The following GGCX variants were observed in gnomAD, a reference collection of about 807,000 sequenced individuals.
GGCX encodes the protein gamma-glutamyl carboxylase.
A neutral mutation model predicts 88.5 loss-of-function variants in GGCX; 63 were observed. That is an observed-to-expected ratio of 0.71 (90% confidence interval 0.58 to 0.88). The LOEUF (loss-of-function observed/expected upper bound fraction) is 0.88, where lower values mean the gene tolerates loss of function less well. GGCX is among the 40% of genes least tolerant of loss of function. The pLI, the probability that GGCX is intolerant of heterozygous loss-of-function variation, is 0.00. For missense variants in GGCX, 805 were observed against 932.9 expected (o/e 0.86, Z 1.79); for synonymous variants, 368 against 365.8 (o/e 1.01, Z -0.07).
chr2:85,558,407 C>A, intron 4 of GGCX, 33 bp downstream of exon 4: 3 of 1,596,572 alleles, frequency 1.9e-6, no homozygotes, highest in Non-Finnish European at 2.6e-6. Context: ...CTGACCCAGC[C>A]AACCCCTCCC....
intron 9 of GGCX, 33 bp from the exon 10 acceptor site, chr2:85,552,600 T>A: frequency 6.2e-7 from 1 of 1,602,620 alleles, no homozygotes; most frequent in South Asian, 1.1e-5. Context: ...TCCCACCTCA[T>A]CATTATCAAC....
chr2:85,546,826 A>C lies in GGCX; in HGVS notation c.*3108T>G, dbSNP rs1691689830. The stretch of plus-strand genomic sequence containing the variant: ...GCATGTAATTGAAATGTTCCAGAAC[A>C]AGTCTGGCAGTTTCATAAGGGAGTT... On this transcript the variant is annotated 3_prime_UTR_variant, in exon 15 of 15. Transcript: ENST00000233838. 1 of 152,254 alleles carries C rather than the reference A, an allele frequency of 6.6e-6. No individual in the cohort carries two copies. The highest frequency in any genetic ancestry group is 2.4e-5 in the African/African-American group (1 of 41,470). 9.4% of individuals were successfully genotyped at this position (152,254 alleles called of 1,614,324 possible).
At position 85,550,981 on chromosome 2, in the gene GGCX, A is replaced by G. The variant is rs773490791; in HGVS notation, c.1832T>C (p.Leu611Pro). ...TTGCAGATATGCCAGGTCTTGCTCC[A>G]GTGCAAGCTCTGTAGTGTTGACATA... ...YVYVNTTELA[L>P]EQDLAYLQEL... Residue 611 changes from leucine to proline, a missense_variant, in exon 13 of 15, where the codon CTG (leucine) becomes CCG (proline). By Grantham distance (98) the Leu-to-Pro change is moderately conservative. Coordinates refer to ENST00000233838, the MANE Select transcript of GGCX (RefSeq NM_000821.7). 6.2e-7 allele frequency: 1 copy of G among 1,613,836 alleles called. No individual in the cohort carries two copies. Among genetic ancestry groups the G allele is most frequent in the South Asian group, 1.1e-5 (1 of 91,084 alleles).
rs1399626876 is a variant in GGCX at position 85,549,932 on chromosome 2, C to G, written c.*2G>C. ...ACATCTGCACCCAACATCTGGCCCCCTTCAGAACTCTGAGTGGACAGGATC... is the reference window on the plus strand; with the variant it reads ...ACATCTGCACCCAACATCTGGCCCCGTTCAGAACTCTGAGTGGACAGGATC... On this transcript the variant is annotated 3_prime_UTR_variant, in exon 15 of 15. Transcript: ENST00000233838. 1 of 1,607,188 alleles carries G rather than the reference C, an allele frequency of 6.2e-7. No homozygotes were observed. Among genetic ancestry groups the G allele is most frequent in the Admixed American group, 1.7e-5 (1 of 59,994 alleles).
intron 12 of GGCX, 141 bp downstream of exon 12, chr2:85,551,335 AAATT>A: frequency 1.2e-6 from 1 of 857,970 alleles, no homozygotes. Flanking sequence ...ATTGTTTTTT[AAATT>A]GTTAGAGATG....
Position 85,555,566 on chromosome 2 carries a change from C to G in GGCX, c.643G>C (p.Gly215Arg). Residue 215 changes from glycine to arginine, a missense_variant, in exon 6 of 15, where the codon GGT (glycine) becomes CGT (arginine). This residue lies in a region of GGCX where 680 missense variants were observed against 763.7 expected (regional missense o/e 0.89). Transcript: ENST00000233838. ...CAGTCTGCATCCAGCTTTTTCACAC[C>G]CGCAATGAAGTACACAATGAAGATC... ...GQIFIVYFIAGVKKLDADWVE... is the reference protein window; with the variant it reads ...GQIFIVYFIARVKKLDADWVE... 1 of 1,592,280 alleles carries G rather than the reference C, an allele frequency of 6.3e-7. No individual in the cohort carries two copies. Among genetic ancestry groups the G allele is most frequent in the Non-Finnish European group, 8.6e-7 (1 of 1,160,134 alleles).
At position 85,552,970 on chromosome 2, in the gene GGCX, C is replaced by T. The variant is rs770896415; in HGVS notation, c.1256G>A (p.Arg419His). 71 of 1,613,978 alleles carry T rather than the reference C, an allele frequency of 4.4e-5. 1 individual carries two copies. The South Asian group carries it at 6.7e-4, about 15-fold the overall frequency. The change falls in exon 9 of 15, where the codon CGC becomes CAC. Residue 419 changes from arginine to histidine, a missense_variant. This residue lies in a region of GGCX where 680 missense variants were observed against 763.7 expected (regional missense o/e 0.89). Transcript: ENST00000233838. ...GTTAAGGTAGCCCAGTTCGCCAGTG[C>T]GGCCATCACGGTAGGTGATCTTCAC... ...QHVKITYRDG[R>H]TGELGYLNPG...
In GGCX at chr2:85,553,370, G is replaced by GA; in HGVS notation, c.1016_1017insT (p.Ser340GlnfsTer7). ...TCCTCTTATACACACAGGAAACACTGGGCTGAGGGGCTGCCTTGAGGGGCA... is the reference window on the plus strand; with the variant it reads ...TCCTCTTATACACACAGGAAACACTGAGGCTGAGGGGCTGCCTTGAGGGGCA... On this transcript the variant is annotated frameshift_variant, in exon 8 of 15. Coordinates refer to ENST00000233838, the MANE Select transcript of GGCX (RefSeq NM_000821.7). LOFTEE classifies it high-confidence loss of function. 6.2e-7 allele frequency: 1 copy of GA among 1,614,234 alleles called. No homozygotes were observed. The highest frequency in any genetic ancestry group is 8.5e-7 in the Non-Finnish European group (1 of 1,180,040).
In GGCX at chr2:85,546,119, A is replaced by G. The variant is rs1318954315; in HGVS notation, c.*3815T>C. On this transcript the variant is annotated 3_prime_UTR_variant, in exon 15 of 15. Transcript: ENST00000233838. Reference sequence around the variant, plus strand: ...TGCCTGTTTGCATGGAGACTTAAAAACTTGGAAATTTGGAGGCCAGGCGGA... The same window carrying G: ...TGCCTGTTTGCATGGAGACTTAAAAGCTTGGAAATTTGGAGGCCAGGCGGA... 3 of 152,206 alleles carry G rather than the reference A, an allele frequency of 2.0e-5. No individual in the cohort carries two copies. The highest frequency in any genetic ancestry group is 7.2e-5 in the African/African-American group (3 of 41,434). 9.4% of individuals were successfully genotyped at this position (152,206 alleles called of 1,614,324 possible). A position where few individuals can be genotyped will look rare whatever the true frequency, so the allele number is the denominator to read the frequency against.
Position 85,545,628 on chromosome 2 carries a change from A to AT in GGCX, c.*4305dup, listed in dbSNP as rs1691622538. ...GTCCTCCTAGTCCACTTAAGCCAAAATTCATGTGTCCTTATTGCAGCAGCC... is the reference window on the plus strand; with the variant it reads ...GTCCTCCTAGTCCACTTAAGCCAAAATTTCATGTGTCCTTATTGCAGCAGCC... On this transcript the variant is annotated 3_prime_UTR_variant, in exon 15 of 15. Transcript: ENST00000233838. 6.6e-6 allele frequency: 1 copy of AT among 152,278 alleles called. No homozygotes were observed. Among genetic ancestry groups the AT allele is most frequent in the East Asian group, 1.9e-4 (1 of 5,182 alleles). 9.4% of individuals were successfully genotyped at this position (152,278 alleles called of 1,614,324 possible). A position where few individuals can be genotyped will look rare whatever the true frequency, so the allele number is the denominator to read the frequency against.
rs1206486946 is a variant in GGCX at position 85,549,576 on chromosome 2, G to C, written c.*358C>G. ...GGGTTTTGCCATGTTGGCCAGGCTG[G>C]TCTCGAACTCCTGGCCTCAAGTGAT... On this transcript the variant is annotated 3_prime_UTR_variant, in exon 15 of 15. Coordinates refer to ENST00000233838, the MANE Select transcript of GGCX (RefSeq NM_000821.7). The C allele has an allele frequency of 3.5e-6, 1 of 285,442 alleles. No homozygotes were observed. The highest frequency in any genetic ancestry group is 5.0e-5 in the Admixed American group (1 of 20,194). The allele number at this position is 285,442 out of a possible 1,614,324, so 17.7% of individuals were successfully genotyped here. A position where few individuals can be genotyped will look rare whatever the true frequency, so the allele number is the denominator to read the frequency against.
At position 85,544,940 on chromosome 2, in the gene GGCX, T is replaced by C. The variant is rs1305968246; in HGVS notation, c.*4994A>G. The C allele has an allele frequency of 6.6e-6, 1 of 150,380 alleles. No homozygotes were observed. Among genetic ancestry groups the C allele is most frequent in the African/African-American group, 2.4e-5 (1 of 40,994 alleles). 9.3% of individuals were successfully genotyped at this position (150,380 alleles called of 1,614,324 possible). A position where few individuals can be genotyped will look rare whatever the true frequency, so the allele number is the denominator to read the frequency against. Reference sequence around the variant, plus strand: ...CCTCAGATGGCAGCTTTTAAAAGATTTTTTTTTTTTCTCTCAACACCATGA... The same window carrying C: ...CCTCAGATGGCAGCTTTTAAAAGATCTTTTTTTTTTCTCTCAACACCATGA... On this transcript the variant is annotated 3_prime_UTR_variant, in exon 15 of 15. Transcript: ENST00000233838.
chr2:85,554,288 C>G lies in GGCX; in HGVS notation c.744G>C (p.Glu248Asp). The G allele has an allele frequency of 6.2e-7, 1 of 1,614,070 alleles. No individual in the cohort carries two copies. The change falls in exon 7 of 15, where the codon GAG (glutamate) becomes GAC (aspartate). Residue 248 changes from glutamate (E) to aspartate (D), a missense_variant. Glu to Asp is a conservative substitution (Grantham distance 45). Transcript: ENST00000233838. ...FSPFKLLLSEELTSLLVVHWG... is the reference protein window; with the variant it reads ...FSPFKLLLSEDLTSLLVVHWG... ...AGTGCACGACCAGCAGGCTAGTCAG[C>G]TCCTCAGACAACAGCAGTCTGCAAA...
chr2:85,550,547 G>T lies in GGCX; in HGVS notation c.2084+8C>A. The T allele has an allele frequency of 6.2e-7, 1 of 1,606,448 alleles. No individual in the cohort carries two copies. The highest frequency in any genetic ancestry group is 1.1e-5 in the South Asian group (1 of 90,906). ...TGATGGCAATGACAAATATTGTTGT[G>T]AACTTACCTGCGGCGAAAGACATAG... On this transcript the variant is annotated splice_region_variant and intron_variant, in intron 14 of 14. Coordinates refer to ENST00000233838, the MANE Select transcript of GGCX (RefSeq NM_000821.7).
At chr2:85,557,322 C>CA (rs1277668584) in intron 4 of GGCX, among the ~76,000 whole-genome samples, 2 of 151,888 alleles carry the variant, frequency 1.3e-5, no homozygotes, top group Non-Finnish European at 2.9e-5. Context: ...CCCATCTCTA[C>CA]AAAAAATTTT....
rs749715057 is a variant in GGCX at position 85,547,084 on chromosome 2, A to G, written c.*2850T>C. On this transcript the variant is annotated 3_prime_UTR_variant, in exon 15 of 15. Coordinates refer to ENST00000233838, the MANE Select transcript of GGCX (RefSeq NM_000821.7). ...GGGGAAAAGTATCCTGAAGGTTAATAAGGTGGTGGAGGAACATTAGGCCAC... is the reference window on the plus strand; with the variant it reads ...GGGGAAAAGTATCCTGAAGGTTAATGAGGTGGTGGAGGAACATTAGGCCAC... 8 of 152,288 alleles carry G rather than the reference A, an allele frequency of 5.3e-5. No individual in the cohort carries two copies. Among genetic ancestry groups the G allele is most frequent in the Non-Finnish European group, 1.2e-4 (8 of 68,076 alleles). The allele number at this position is 152,288 out of a possible 1,614,324, so 9.4% of individuals were successfully genotyped here.
In GGCX at chr2:85,552,999, C is replaced by T. The variant is rs1692033367; in HGVS notation, c.1227G>A (p.Gln409=). 2 of 1,613,944 alleles carry T rather than the reference C, an allele frequency of 1.2e-6. No individual in the cohort carries two copies. The highest frequency in any genetic ancestry group is 1.7e-6 in the Non-Finnish European group (2 of 1,179,896). ...CATCACGGTAGGTGATCTTCACGTG[C>T]TGGTGGGAGCGGGAGTGCACCATCA... ...WDMMVHSRSH[Q]HVKITYRDGR... is the part of the protein sequence containing the mutation. Residue 409 remains glutamine, a synonymous_variant, in exon 9 of 15, where the codon CAG becomes CAA. Coordinates refer to ENST00000233838, the MANE Select transcript of GGCX (RefSeq NM_000821.7).
rs74835517 is a variant in GGCX at position 85,552,105 on chromosome 2, A to G, written c.1440-124T>C. On this transcript the variant is annotated intron_variant, in intron 10 of 14. Transcript: ENST00000233838. Reference sequence around the variant, plus strand: ...AGAAGAAGAAATGGCCTGTGTCAGCATGTTATTGCCAGTCCAGGGCAGAGA... The same window carrying G: ...AGAAGAAGAAATGGCCTGTGTCAGCGTGTTATTGCCAGTCCAGGGCAGAGA... The G allele has an allele frequency of 1.1e-3, 884 of 798,358 alleles. 10 individuals are homozygous for G. The African/African-American group carries it at 0.014, about 13-fold the overall frequency. 49.5% of individuals were successfully genotyped at this position (798,358 alleles called of 1,614,324 possible). A position where few individuals can be genotyped will look rare whatever the true frequency, so the allele number is the denominator to read the frequency against.
chr2:85,555,668 A>G, intron 5 of GGCX, 78 bp from the exon 6 acceptor site: 1 of 829,700 alleles, frequency 1.2e-6, no homozygotes, highest in East Asian at 2.5e-5. Flanking sequence ...TAAGGAGCAT[A>G]TAGTTAGGAC....
Sources: gnomAD v4.1 joint callset for allele counts (sites outside exome capture counted in the v4.1 genomes callset) on GRCh38, gnomAD v4.1.1 for gene constraint, gnomAD v4.1.1 regional missense constraint, MANE v1.5 for transcripts, NCBI Gene and HGNC (gene_info 2026-07-23, HGNC 2026-07-21) for gene names.